PPFIBP2: variants seen among roughly 807,000 people sequenced by gnomAD.
The protein encoded by PPFIBP2 is liprin-beta-2.
A neutral mutation model predicts 118.3 loss-of-function variants in PPFIBP2; 118 were observed. The observed-to-expected ratio is 1.00, with a 90% confidence interval of 0.86 to 1.16. PPFIBP2 has a LOEUF of 1.16. Ranked by LOEUF, PPFIBP2 falls within the 50% of genes most tolerant of loss-of-function variation. The pLI, the probability that PPFIBP2 is intolerant of heterozygous loss-of-function variation, is 0.00. For synonymous variants in PPFIBP2, 414 were observed against 397.4 expected, an observed-to-expected ratio of 1.04 and a Z score of -0.50; for missense variants, 1,195 against 1,073.1, an observed-to-expected ratio of 1.11 and a Z score of -1.59.
intron 17 of PPFIBP2, among the ~76,000 whole-genome samples, chr11:7,645,826 C>G (rs1265200942): frequency 6.6e-6 from 1 of 151,916 alleles, no homozygotes; most frequent in Non-Finnish European, 1.5e-5. Flanking sequence ...TTCACAAAGA[C>G]TAGGCAAAAA....
At chr11:7,598,680 T>C (rs1175360632) in intron 5 of PPFIBP2, among the ~76,000 whole-genome samples, 5 of 152,184 alleles carry the variant, frequency 3.3e-5, no homozygotes, top group Admixed American at 3.3e-4. Flanking sequence ...GTTTGTTCCT[T>C]AAAATGAGTG....
At chr11:7,565,474 C>A in intron 2 of PPFIBP2, 79 bp from the exon 3 acceptor site, 1 of 1,449,486 alleles carries the variant, frequency 6.9e-7, no homozygotes, top group Non-Finnish European at 9.6e-7. Context: ...ACCGTTTCTT[C>A]ACCACCTTTG....
intron 3 of PPFIBP2, among the ~76,000 whole-genome samples, chr11:7,592,748 C>T (rs746379476): frequency 1.9e-4 from 29 of 152,190 alleles, no homozygotes; most frequent in African/African-American, 6.5e-4. Flanking sequence ...CCTTGGAGAA[C>T]GGTGCCAGCT....
intron 3 of PPFIBP2, chr11:7,577,678 A>G (rs1856639478): frequency 2.2e-6 from 1 of 454,986 alleles, no homozygotes; most frequent in Non-Finnish European, 4.4e-6. Context: ...CCGTGGAGAT[A>G]AGTGAGGGGG....
intron 17 of PPFIBP2, among the ~76,000 whole-genome samples, chr11:7,647,069 C>T (rs1418055874): frequency 1.3e-5 from 2 of 152,174 alleles, no homozygotes; most frequent in African/African-American, 4.8e-5. Context: ...CCAGGGTATA[C>T]ATTATCTCTA....
intron 11 of PPFIBP2, among the ~76,000 whole-genome samples, chr11:7,632,009 G>A (rs1850825503): frequency 6.6e-6 from 1 of 152,220 alleles, no homozygotes; most frequent in Non-Finnish European, 1.5e-5. Flanking sequence ...ACATGGGACT[G>A]TCTTCTTTCA....
At position 7,531,836 on chromosome 11, in the gene PPFIBP2, AT is replaced by A. The variant is rs557701843; in HGVS notation, c.-36-17594del. On this transcript the variant is annotated intron_variant, in intron 1 of 23. Coordinates refer to ENST00000299492, the MANE Select transcript of PPFIBP2 (RefSeq NM_003621.5). ...CTTGACTTTTATTTATTTTTTATTA[AT>A]TTTTTTTTTCTTTTTGGAGATGGAG... Among the ~76,000 whole-genome samples, 807 of 149,238 alleles carry A rather than the reference AT, an allele frequency of 5.4e-3. 7 individuals are homozygous for A. Among genetic ancestry groups the A allele is most frequent in the African/African-American group, 0.016 (651 of 40,652 alleles).
At chr11:7,562,673 C>T (rs1427586602) in intron 2 of PPFIBP2, among the ~76,000 whole-genome samples, 4 of 151,938 alleles carry the variant, frequency 2.6e-5, no homozygotes, top group Non-Finnish European at 4.4e-5. Flanking sequence ...ATCATTTTGT[C>T]ATTTACATCC....
chr11:7,637,143 T>A (rs1243069258), intron 14 of PPFIBP2, among the ~76,000 whole-genome samples: 1 of 152,208 alleles, frequency 6.6e-6, no homozygotes, highest in African/African-American at 2.4e-5. Context: ...AGTGCTCTGT[T>A]CTCTGGGCTG....
chr11:7,577,325 G>A (rs1453856677), intron 3 of PPFIBP2: 1 of 287,668 alleles, frequency 3.5e-6, no homozygotes, highest in South Asian at 2.6e-5. Flanking sequence ...ATGTGCGTGT[G>A]TGTGTGTGTG....
chr11:7,516,481 T>C (rs889447379), intron 1 of PPFIBP2, among the ~76,000 whole-genome samples: 1 of 152,036 alleles, frequency 6.6e-6, no homozygotes, highest in African/African-American at 2.4e-5. Context: ...TAGACTGTAA[T>C]GTTTAAGGTA....
At chr11:7,639,935 T>G in intron 15 of PPFIBP2, 65 bp downstream of exon 15, 2 of 1,556,806 alleles carry the variant, frequency 1.3e-6, no homozygotes, top group South Asian at 1.2e-5. Context: ...AATGATTGTA[T>G]AAGATCCCTG....
intron 2 of PPFIBP2, among the ~76,000 whole-genome samples, chr11:7,550,468 A>T (rs148263847): frequency 4.6e-5 from 7 of 152,232 alleles, no homozygotes; most frequent in African/African-American, 1.7e-4. Context: ...TTGGTGTTTG[A>T]GCCTGAAGTG....
chr11:7,547,330 G>A (rs773374867), intron 1 of PPFIBP2, among the ~76,000 whole-genome samples: 6 of 152,160 alleles, frequency 3.9e-5, no homozygotes, highest in Non-Finnish European at 7.4e-5. Flanking sequence ...GCAGACAGGA[G>A]ACCAGTGCTG....
chr11:7,525,208 A>G (rs1009007313), intron 1 of PPFIBP2, among the ~76,000 whole-genome samples: 7 of 151,728 alleles, frequency 4.6e-5, no homozygotes, highest in Admixed American at 2.0e-4. Context: ...TGAATCAGAC[A>G]GTCCTCGATT....
the PPFIBP2 span, chr11:7,665,673 T>C: frequency 4.2e-6 from 5 of 1,189,184 alleles, no homozygotes; most frequent in South Asian, 3.1e-5. Flanking sequence ...CTTAGAAGTC[T>C]GTACTACTGC....
intron 16 of PPFIBP2, 134 bp downstream of exon 16, chr11:7,641,754 A>G: frequency 1.1e-6 from 1 of 919,010 alleles, no homozygotes; most frequent in Non-Finnish European, 1.7e-6. Context: ...TTCAAAGAGA[A>G]GAATCTGAGA....
chr11:7,650,646 GA>G, intron 21 of PPFIBP2, 193 bp from the exon 22 acceptor site: 1 of 435,578 alleles, frequency 2.3e-6, no homozygotes, highest in Non-Finnish European at 4.1e-6. Flanking sequence ...GATCTTCAAA[GA>G]TTCAGTGGGA....
At chr11:7,659,968 A>G (rs200099264), downstream of PPFIBP2, among the ~76,000 whole-genome samples, 5 of 125,134 alleles carry the variant, frequency 4.0e-5, 1 homozygote, top group East Asian at 6.0e-4. Flanking sequence ...TTGGTATATA[A>G]GAATGCTTGT....
Sources: allele counts gnomAD v4.1 joint callset (sites outside exome capture counted in the v4.1 genomes callset), GRCh38; gene constraint gnomAD v4.1.1; transcripts MANE v1.5; gene names NCBI Gene and HGNC (gene_info 2026-07-23, HGNC 2026-07-21).